NKAIN3: variants seen among roughly 807,000 people sequenced by gnomAD.
The protein encoded by NKAIN3 is sodium/potassium transporting ATPase interacting 3, also known as sodium/potassium-transporting ATPase subunit beta-1-interacting protein 3.
In NKAIN3, 25 loss-of-function variants were observed where a neutral mutation model predicts 30.2. The ratio of observed to expected loss-of-function variants is 0.83; its 90% CI spans 0.60 to 1.16. NKAIN3 has a LOEUF of 1.16. NKAIN3 is among the 50% of genes most tolerant of loss of function. NKAIN3 has a pLI of 0.00. For synonymous variants in NKAIN3, 91 were observed against 89.6 expected (o/e 1.02, Z -0.09); for missense variants, 225 against 254.1 (o/e 0.89, Z 0.78).
At position 62,970,402 on chromosome 8, in the gene NKAIN3, T is replaced by A. The variant is rs1044508608; in HGVS notation, c.*4995T>A. Among the ~76,000 whole-genome samples the A allele has an allele frequency of 6.6e-6, 1 of 152,198 alleles. No individual in the cohort carries two copies. Among genetic ancestry groups the A allele is most frequent in the Non-Finnish European group, 1.5e-5 (1 of 68,036 alleles). On this transcript the variant is annotated 3_prime_UTR_variant, in exon 7 of 7. Coordinates refer to ENST00000623646, the MANE Select transcript of NKAIN3 (RefSeq NM_001304533.3). ...AAAGAAAAATGCCACTTCTTGAAGG[T>A]GGATACAGCTTCTTAAATATTGGTA...
intron 4 of NKAIN3, among the ~76,000 whole-genome samples, chr8:62,774,041 C>G (rs1338327435): frequency 6.6e-6 from 1 of 152,146 alleles, no homozygotes; most frequent in Non-Finnish European, 1.5e-5. Context: ...AGCATATGAA[C>G]ATAAAATATC....
intron 4 of NKAIN3, among the ~76,000 whole-genome samples, chr8:62,915,603 C>T (rs768539225): frequency 6.6e-6 from 1 of 152,132 alleles, no homozygotes; most frequent in South Asian, 2.1e-4. Context: ...ACAGCAGCAA[C>T]CGAAAACTAA....
intron 1 of NKAIN3, among the ~76,000 whole-genome samples, chr8:62,303,813 T>C (rs536760879): frequency 6.6e-6 from 1 of 150,862 alleles, no homozygotes; most frequent in South Asian, 2.1e-4. Flanking sequence ...CCTAATGTCT[T>C]ATTTTTAATA....
intron 1 of NKAIN3, among the ~76,000 whole-genome samples, chr8:62,282,309 A>T (rs1475972781): frequency 6.6e-6 from 1 of 152,140 alleles, no homozygotes; most frequent in Non-Finnish European, 1.5e-5. Context: ...CTCAGAAGTA[A>T]CCAAAGATGC....
At chr8:62,778,179 A>G (rs1319138885) in intron 4 of NKAIN3, among the ~76,000 whole-genome samples, 2 of 152,072 alleles carry the variant, frequency 1.3e-5, no homozygotes, top group Admixed American at 6.6e-5. Context: ...AGTCTCTCCC[A>G]CAGCCCATGG....
intron 5 of NKAIN3, among the ~76,000 whole-genome samples, chr8:62,929,901 C>T (rs909121073): frequency 4.6e-5 from 7 of 151,968 alleles, no homozygotes; most frequent in African/African-American, 1.7e-4. Flanking sequence ...ATTTTATGTG[C>T]GGCCCAAGAC....
intron 1 of NKAIN3, among the ~76,000 whole-genome samples, chr8:62,539,786 GC>G (rs1808782738): frequency 6.6e-6 from 1 of 152,102 alleles, no homozygotes; most frequent in Admixed American, 6.5e-5. Context: ...TCACTGTGTT[GC>G]CCAGGCTGGT....
chr8:62,286,404 C>G (rs1343612015), intron 1 of NKAIN3, among the ~76,000 whole-genome samples: 2 of 151,964 alleles, frequency 1.3e-5, no homozygotes, highest in African/African-American at 4.8e-5. Context: ...TTTAAATGAA[C>G]AGTGCTCATA....
intron 1 of NKAIN3, among the ~76,000 whole-genome samples, chr8:62,408,548 A>G (rs1804146258): frequency 6.6e-6 from 1 of 152,222 alleles, no homozygotes; most frequent in South Asian, 2.1e-4. Context: ...TTTAGCAGAG[A>G]TCTTTAAAAA....
intron 1 of NKAIN3, among the ~76,000 whole-genome samples, chr8:62,337,886 C>T (rs902308805): frequency 1.1e-4 from 16 of 151,864 alleles, no homozygotes; most frequent in Non-Finnish European, 1.9e-4. Context: ...CAAGAAGATG[C>T]GGAGGTCAAC....
intron 1 of NKAIN3, among the ~76,000 whole-genome samples, chr8:62,267,375 A>T (rs887745837): frequency 6.6e-6 from 1 of 152,194 alleles, no homozygotes; most frequent in African/African-American, 2.4e-5. Context: ...GAAACATGGT[A>T]AAATTTCAGT....
At chr8:62,858,649 C>T (rs908255970) in intron 4 of NKAIN3, among the ~76,000 whole-genome samples, 47 of 152,190 alleles carry the variant, frequency 3.1e-4, no homozygotes, top group African/African-American at 1.1e-3. Context: ...GGCAAAGCAG[C>T]TATGCTGCAC....
At chr8:62,673,738 T>C (rs554690644) in intron 3 of NKAIN3, among the ~76,000 whole-genome samples, 2 of 152,358 alleles carry the variant, frequency 1.3e-5, no homozygotes, top group East Asian at 3.9e-4. Context: ...GTTACTGTAC[T>C]GAATACTATA....
chr8:62,867,099 G>GAA (rs10562561), intron 4 of NKAIN3, among the ~76,000 whole-genome samples: 7 of 130,054 alleles, frequency 5.4e-5, no homozygotes, highest in East Asian at 4.9e-4. Context: ...TTTGTTTCCA[G>GAA]AAAAAAAAAA....
chr8:62,869,575 T>C (rs1395531196), intron 4 of NKAIN3, among the ~76,000 whole-genome samples: 2 of 152,184 alleles, frequency 1.3e-5, no homozygotes, highest in African/African-American at 4.8e-5. Flanking sequence ...AGAAATCAAC[T>C]CAGTGGACTC....
intron 5 of NKAIN3, among the ~76,000 whole-genome samples, chr8:62,921,108 A>C (rs1031681128): frequency 2.6e-5 from 4 of 152,186 alleles, no homozygotes; most frequent in African/African-American, 9.7e-5. Flanking sequence ...CCCCTTGGAT[A>C]TGACATTACC....
intron 4 of NKAIN3, among the ~76,000 whole-genome samples, chr8:62,754,987 T>C (rs1816404715): frequency 6.6e-6 from 1 of 152,154 alleles, no homozygotes; most frequent in African/African-American, 2.4e-5. Context: ...AAAATGTAAA[T>C]ATAGTTAAAA....
At position 62,984,100 on chromosome 8, in the gene NKAIN3, TTTA is replaced by T. The variant is rs1474444084; in HGVS notation, c.*18701_*18703del. 1.3e-5 allele frequency: 2 copies of T among 152,218 alleles called. No individual in the cohort carries two copies. The highest frequency in any genetic ancestry group is 4.8e-5 in the African/African-American group (2 of 41,454). 9.4% of individuals were successfully genotyped at this position (152,218 alleles called of 1,614,324 possible). ...GTTTCTAAAAACTAGATATTATTGC[TTTA>T]TTATTATGTTGATGATGATTATTGA... is the stretch of plus-strand genomic sequence containing the variant. On this transcript the variant is annotated 3_prime_UTR_variant, in exon 7 of 7. Transcript: ENST00000623646.
At position 62,965,643 on chromosome 8, in the gene NKAIN3, A is replaced by G. The variant is rs1360662106; in HGVS notation, c.*236A>G. 3 of 976,824 alleles carry G rather than the reference A, an allele frequency of 3.1e-6. No homozygotes were observed. In the African/African-American group the frequency reaches 5.3e-5, roughly 17 times the overall value. The allele number at this position is 976,824 out of a possible 1,614,324, so 60.5% of individuals were successfully genotyped here. On this transcript the variant is annotated 3_prime_UTR_variant, in exon 7 of 7. Transcript: ENST00000623646. Reference sequence around the variant, plus strand: ...TGTAAAAAAAAAAAAAAAAGAAAAAACAGAATTTGGTTTTAAATTTTTAAC... The same window carrying G: ...TGTAAAAAAAAAAAAAAAAGAAAAAGCAGAATTTGGTTTTAAATTTTTAAC...
Sources: allele counts gnomAD v4.1 joint callset (sites outside exome capture counted in the v4.1 genomes callset), GRCh38; gene constraint gnomAD v4.1.1; transcripts MANE v1.5; gene names NCBI Gene and HGNC (gene_info 2026-07-23, HGNC 2026-07-21).